Variants in FNBP1L observed in about 807,000 individuals in gnomAD.
FNBP1L encodes formin-binding protein 1-like.
In FNBP1L, 36 loss-of-function variants were observed where a neutral mutation model predicts 91.2. The observed-to-expected ratio is 0.39, with a 90% CI of 0.30 to 0.52. The LOEUF is 0.52. FNBP1L is among the 20% of genes least tolerant of loss of function. FNBP1L has a pLI of 0.66. For missense variants in FNBP1L, 571 were observed against 732.1 expected (o/e 0.78, Z 2.54); for synonymous variants, 242 against 237.0 (o/e 1.02, Z -0.19).
chr1:93,479,135 G>A (rs950223345), intron 1 of FNBP1L, among the ~76,000 whole-genome samples: 1 of 152,142 alleles, frequency 6.6e-6, no homozygotes, highest in Non-Finnish European at 1.5e-5. Context: ...CAGCTGGGCC[G>A]CTGGGGGTGA....
intron 1 of FNBP1L, among the ~76,000 whole-genome samples, chr1:93,482,676 T>C (rs938759830): frequency 6.6e-6 from 1 of 152,108 alleles, no homozygotes; most frequent in African/African-American, 2.4e-5. Context: ...GCAGATTGCT[T>C]GAGCCCAGGA....
chr1:93,522,056 A>C, intron 2 of FNBP1L, 26 bp from the exon 3 acceptor site: 1 of 1,437,166 alleles, frequency 7.0e-7, no homozygotes, highest in Non-Finnish European at 9.3e-7. Context: ...ATTTTTAATA[A>C]ACTTTAAAAA....
chr1:93,523,237 A>G, intron 3 of FNBP1L, 107 bp from the exon 4 acceptor site: 1 of 1,112,564 alleles, frequency 9.0e-7, no homozygotes, highest in Non-Finnish European at 1.2e-6. Context: ...GCTGAGATTT[A>G]GGTTGAATAT....
intron 10 of FNBP1L, among the ~76,000 whole-genome samples, chr1:93,539,799 TAA>T (rs1412496562): frequency 1.3e-5 from 2 of 152,118 alleles, no homozygotes. Flanking sequence ...ACTGACAGTC[TAA>T]AGAATGTTAA....
intron 1 of FNBP1L, among the ~76,000 whole-genome samples, chr1:93,480,631 G>T (rs970006220): frequency 6.6e-6 from 1 of 151,532 alleles, no homozygotes; most frequent in Non-Finnish European, 1.5e-5. Flanking sequence ...TGTCGCCCAG[G>T]CTGGAGTGCA....
intron 2 of FNBP1L, among the ~76,000 whole-genome samples, chr1:93,520,489 A>C (rs1330038639): frequency 4.6e-5 from 7 of 152,174 alleles, no homozygotes; most frequent in Non-Finnish European, 8.8e-5. Flanking sequence ...AGACATAGAA[A>C]ATATAGGCCC....
At chr1:93,458,793 A>G (rs889594960) in intron 1 of FNBP1L, among the ~76,000 whole-genome samples, 3 of 152,248 alleles carry the variant, frequency 2.0e-5, no homozygotes, top group African/African-American at 7.2e-5. Flanking sequence ...AAACATTCAC[A>G]TAACTTTTAT....
Position 93,553,199 on chromosome 1 carries a change from C to G in FNBP1L, c.*783C>G, listed in dbSNP as rs1672474891. 4 of 152,640 alleles carry G rather than the reference C, an allele frequency of 2.6e-5. No homozygotes were observed. The South Asian group carries it at 8.3e-4, about 32-fold the overall frequency. 9.5% of individuals were successfully genotyped at this position (152,640 alleles called of 1,614,324 possible). The stretch of plus-strand genomic sequence containing the variant: ...CAGTCTGGGAAGAATCTAGTCAGCA[C>G]TGAAATCCTGGCATAATAAACACAG... On this transcript the variant is annotated 3_prime_UTR_variant, in exon 17 of 17. Transcript: ENST00000271234.
chr1:93,530,297 G>T (rs965168340), intron 6 of FNBP1L, among the ~76,000 whole-genome samples: 1 of 152,114 alleles, frequency 6.6e-6, no homozygotes, highest in Non-Finnish European at 1.5e-5. Flanking sequence ...TGTGATTTAA[G>T]TTCCATATTT....
At chr1:93,531,237 T>C (rs1671668645) in intron 7 of FNBP1L, among the ~76,000 whole-genome samples, 1 of 152,242 alleles carries the variant, frequency 6.6e-6, no homozygotes, top group Admixed American at 6.5e-5. Context: ...ACCAGAGTCA[T>C]TGGCATCAGT....
chr1:93,528,519 G>A (rs1451755663), intron 5 of FNBP1L, among the ~76,000 whole-genome samples: 1 of 152,176 alleles, frequency 6.6e-6, no homozygotes. Context: ...TGGAGATTCA[G>A]TTATCTCCTG....
At chr1:93,517,594 C>T (rs1380214133) in intron 2 of FNBP1L, among the ~76,000 whole-genome samples, 1 of 152,212 alleles carries the variant, frequency 6.6e-6, no homozygotes, top group Non-Finnish European at 1.5e-5. Flanking sequence ...AATGCAAAAG[C>T]AGCCATAGAC....
rs776462537 is a variant in FNBP1L, at chr1:93,551,110, A to G, written c.1810+5A>G. 5.6e-6 allele frequency: 9 copies of G among 1,602,184 alleles called. No homozygotes were observed. The highest frequency in any genetic ancestry group is 7.7e-6 in the Non-Finnish European group (9 of 1,173,694). On this transcript the variant is annotated splice_donor_5th_base_variant and intron_variant, in intron 16 of 16. Coordinates refer to ENST00000271234, the MANE Select transcript of FNBP1L (RefSeq NM_001164473.3). Reference sequence around the variant, plus strand: ...CTCTAGAGAAAAACAGTAAAGGTGCAGTAACTTATATCTAAACTAACCAGG... The same window carrying G: ...CTCTAGAGAAAAACAGTAAAGGTGCGGTAACTTATATCTAAACTAACCAGG...
intron 1 of FNBP1L, among the ~76,000 whole-genome samples, chr1:93,457,940 C>T (rs920338729): frequency 3.3e-5 from 5 of 151,670 alleles, no homozygotes; most frequent in African/African-American, 4.8e-5. Context: ...TACAGGCGCC[C>T]GCCACCACGC....
chr1:93,490,483 C>A (rs1023452705), intron 1 of FNBP1L, among the ~76,000 whole-genome samples: 1 of 152,048 alleles, frequency 6.6e-6, no homozygotes, highest in African/African-American at 2.4e-5. Flanking sequence ...TTAGAGCTCA[C>A]CACTGATACA....
chr1:93,460,380 G>C (rs1430118410), intron 1 of FNBP1L, among the ~76,000 whole-genome samples: 1 of 152,142 alleles, frequency 6.6e-6, no homozygotes, highest in Non-Finnish European at 1.5e-5. Flanking sequence ...CCAACCTCCA[G>C]AACAATGACA....
rs1254303737 is a variant in FNBP1L, at chr1:93,506,874, A to G, written c.140+7291A>G. 2.6e-5 allele frequency among the ~76,000 whole-genome samples: 4 copies of G among 152,180 alleles called. No homozygotes were observed. In the East Asian group the frequency reaches 7.7e-4, roughly 29 times the overall value. ...ATGGATAAAAAGATTAGAATCAACA[A>G]CTTAAATATATATTAAAAAGGGTGA... On this transcript the variant is annotated intron_variant, in intron 2 of 16. Coordinates refer to ENST00000271234, the MANE Select transcript of FNBP1L (RefSeq NM_001164473.3).
intron 11 of FNBP1L, among the ~76,000 whole-genome samples, chr1:93,542,281 T>A (rs1301176928): frequency 6.6e-6 from 1 of 151,760 alleles, no homozygotes; most frequent in African/African-American, 2.4e-5. Context: ...TGAGACCCTA[T>A]CTCTACAAAA....
chr1:93,511,109 A>G (rs1670822889), intron 2 of FNBP1L, among the ~76,000 whole-genome samples: 2 of 152,246 alleles, frequency 1.3e-5, no homozygotes, highest in African/African-American at 2.4e-5. Context: ...AGAGAATGCC[A>G]CAAAGATACT....
Sources: allele counts gnomAD v4.1 joint callset (sites outside exome capture counted in the v4.1 genomes callset), GRCh38; gene constraint gnomAD v4.1.1; transcripts MANE v1.5; gene names NCBI Gene and HGNC (gene_info 2026-07-23, HGNC 2026-07-21).